The following EXD1 variants were observed in gnomAD, a reference collection of about 807,000 sequenced individuals.
The protein encoded by EXD1 is exonuclease 3'-5' domain containing 1.
Under a neutral mutation model 49.1 loss-of-function variants are expected in EXD1, and 63 were observed. The observed-to-expected ratio is 1.28, with a 90% CI of 1.05 to 1.58. The LOEUF is 1.58. Among genes scored for constraint, EXD1 ranks in the 40% most tolerant of loss-of-function variants. The pLI, the probability that EXD1 is intolerant of heterozygous loss-of-function variation, is 0.00. For missense variants in EXD1, 748 were observed against 666.0 expected, an observed-to-expected ratio of 1.12 and a Z score of -1.36; for synonymous variants, 234 against 239.2, an observed-to-expected ratio of 0.98 and a Z score of 0.20.
intron 7 of EXD1, among the ~76,000 whole-genome samples, 163 bp downstream of exon 7, chr15:41,209,338 G>T (rs1228135427): frequency 1.3e-5 from 2 of 152,078 alleles, no homozygotes. Context: ...GACAGCATGA[G>T]CCCAGGAGTT....
At chr15:41,212,648 T>C (rs922877693) in intron 6 of EXD1, among the ~76,000 whole-genome samples, 4 of 152,172 alleles carry the variant, frequency 2.6e-5, no homozygotes, top group Admixed American at 6.5e-5. Flanking sequence ...TGAATGTTCA[T>C]AGTAGCATTA....
chr15:41,226,466 T>C lies in EXD1; in HGVS notation c.110A>G (p.Asn37Ser), dbSNP rs1218805068. ...ACCTTTCTTCAGGACAACAATCTTA[T>C]TAGGGTCAACATGCTGAAGCACACC... ...FEGVLQHVDP[N>S]KIVVLKKVKN... The change falls in exon 2 of 12, where the codon AAT becomes AGT. Residue 37 changes from asparagine (N) to serine (S), a missense_variant. Physicochemically the swap from Asn to Ser is conservative, Grantham distance 46 (BLOSUM62 1). Coordinates refer to ENST00000458580, the MANE Select transcript of EXD1 (RefSeq NM_001286441.2). 23 of 1,535,938 alleles carry C rather than the reference T, an allele frequency of 1.5e-5. No individual in the cohort carries two copies. Among genetic ancestry groups the C allele is most frequent in the Non-Finnish European group, 1.8e-5 (21 of 1,146,910 alleles).
chr15:41,218,486 CAA>C (rs35305069), intron 3 of EXD1, among the ~76,000 whole-genome samples: 43 of 79,000 alleles, frequency 5.4e-4, no homozygotes, highest in African/African-American at 1.4e-3. Context: ...GAATCCGTCT[CAA>C]AAAAAAAAAA....
chr15:41,201,542 T>C (rs1023229902), intron 7 of EXD1, among the ~76,000 whole-genome samples: 13 of 144,704 alleles, frequency 9.0e-5, no homozygotes, highest in African/African-American at 3.3e-4. Context: ...CAGGCTGGAG[T>C]GCAGTGGTGC....
At chr15:41,204,742 T>C (rs1244233073) in intron 7 of EXD1, among the ~76,000 whole-genome samples, 1 of 152,032 alleles carries the variant, frequency 6.6e-6, no homozygotes, top group Non-Finnish European at 1.5e-5. Flanking sequence ...ATGTATGTAC[T>C]TGTATATATA....
Position 41,192,488 on chromosome 15 carries a change from G to A in EXD1, c.721-903C>T, listed in dbSNP as rs545002650. On this transcript the variant is annotated intron_variant, in intron 9 of 11. Transcript: ENST00000458580. Reference sequence around the variant, plus strand: ...ATTTTCATATTGTTAGTGCAGACAGGGTTTCACCATGTTGGCCAGGATAGT... The same window carrying A: ...ATTTTCATATTGTTAGTGCAGACAGAGTTTCACCATGTTGGCCAGGATAGT... Among the ~76,000 whole-genome samples, 4 of 151,426 alleles carry A rather than the reference G, an allele frequency of 2.6e-5. No homozygotes were observed. In the South Asian group the frequency reaches 8.3e-4, roughly 31 times the overall value.
intron 1 of EXD1, among the ~76,000 whole-genome samples, chr15:41,228,606 ATTCT>A (rs2047195379): frequency 6.6e-6 from 1 of 152,230 alleles, no homozygotes; most frequent in Non-Finnish European, 1.5e-5. Context: ...AAGAAAAACC[ATTCT>A]TTAAGTTAAT....
At chr15:41,206,222 C>A (rs1033018864) in intron 7 of EXD1, among the ~76,000 whole-genome samples, 3 of 151,990 alleles carry the variant, frequency 2.0e-5, no homozygotes, top group Non-Finnish European at 1.5e-5. Context: ...GTAATCCCAG[C>A]ACTTTGGGAA....
chr15:41,194,271 A>G (rs1352551543), intron 9 of EXD1, among the ~76,000 whole-genome samples: 1 of 152,228 alleles, frequency 6.6e-6, no homozygotes, highest in Middle Eastern at 3.4e-3. Flanking sequence ...TTGGCCTCCC[A>G]AAGTGTTGGG....
chr15:41,194,877 C>T (rs963009383), intron 9 of EXD1, among the ~76,000 whole-genome samples: 2 of 152,098 alleles, frequency 1.3e-5, no homozygotes, highest in African/African-American at 4.8e-5. Context: ...TAAGTAGATA[C>T]ATAAACAGAA....
chr15:41,229,192 C>CT (rs2047201128), intron 1 of EXD1, among the ~76,000 whole-genome samples: 1 of 152,148 alleles, frequency 6.6e-6, no homozygotes, highest in Non-Finnish European at 1.5e-5. Context: ...AAAAATAACT[C>CT]TAAGGCCGGG....
chr15:41,230,068 C>G (rs1485161066), intron 1 of EXD1, among the ~76,000 whole-genome samples: 1 of 146,640 alleles, frequency 6.8e-6, no homozygotes, highest in African/African-American at 2.5e-5. Flanking sequence ...ACTAATTTAA[C>G]GGGTGGCTTT....
chr15:41,200,627 G>A (rs1327796674), intron 7 of EXD1, among the ~76,000 whole-genome samples: 2 of 152,160 alleles, frequency 1.3e-5, no homozygotes, highest in Non-Finnish European at 2.9e-5. Flanking sequence ...GGAGGTCATG[G>A]GGACTCCAAC....
At chr15:41,213,237 T>C (rs1055079891) in intron 6 of EXD1, among the ~76,000 whole-genome samples, 2 of 152,008 alleles carry the variant, frequency 1.3e-5, no homozygotes, top group African/African-American at 2.4e-5. Context: ...AGTCTCACTC[T>C]GTCACCCAGG....
intron 7 of EXD1, among the ~76,000 whole-genome samples, chr15:41,198,002 G>T (rs182519892): frequency 6.6e-6 from 1 of 152,036 alleles, no homozygotes; most frequent in African/African-American, 2.4e-5. Context: ...CCAGCCTGGA[G>T]GACAAGAGTG....
intron 2 of EXD1, among the ~76,000 whole-genome samples, chr15:41,221,386 C>T (rs753341235): frequency 9.2e-5 from 14 of 152,174 alleles, no homozygotes; most frequent in Non-Finnish European, 1.8e-4. Flanking sequence ...ATCCTCCTGC[C>T]TTAGCCTTCC....
intron 7 of EXD1, among the ~76,000 whole-genome samples, chr15:41,197,336 T>G (rs976884532): frequency 1.1e-4 from 17 of 151,702 alleles, no homozygotes; most frequent in Admixed American, 1.1e-3. Context: ...CTCGCCATTC[T>G]CCTGCCTCAG....
intron 7 of EXD1, among the ~76,000 whole-genome samples, chr15:41,199,257 T>A (rs1038018341): frequency 5.3e-5 from 8 of 151,402 alleles, no homozygotes; most frequent in Admixed American, 2.0e-4. Flanking sequence ...TGGCCAAAAA[T>A]TTTTTTTTAA....
chr15:41,218,883 T>C (rs1274486502), intron 3 of EXD1, among the ~76,000 whole-genome samples: 1 of 152,208 alleles, frequency 6.6e-6, no homozygotes, highest in Non-Finnish European at 1.5e-5. Flanking sequence ...TTTCATTTCC[T>C]CCTAAACGCT....
Sources: gnomAD v4.1 joint callset for allele counts (sites outside exome capture counted in the v4.1 genomes callset) on GRCh38, gnomAD v4.1.1 for gene constraint, MANE v1.5 for transcripts, NCBI Gene and HGNC (gene_info 2026-07-23, HGNC 2026-07-21) for gene names.